The following DOCK8 variants were observed in gnomAD, a reference collection of about 807,000 sequenced individuals.
DOCK8 encodes the protein dedicator of cytokinesis protein 8.
In DOCK8, 141 loss-of-function variants were observed where a neutral mutation model predicts 245.6. That is an observed-to-expected ratio of 0.57 (90% CI 0.50 to 0.66). The LOEUF is 0.66. Among genes scored for constraint, DOCK8 ranks in the 30% least tolerant of loss-of-function variants. The probability of loss-of-function intolerance (pLI) is 0.00; values close to 1 mark genes in which losing one functional copy is unlikely to be tolerated. For synonymous variants in DOCK8, 1,168 were observed against 970.2 expected (o/e 1.20, Z -3.79); for missense variants, 2,965 against 2,603.4 (o/e 1.14, Z -3.02).
intron 14 of DOCK8, among the ~76,000 whole-genome samples, chr9:357,298 A>C (rs1273127911): frequency 1.3e-5 from 2 of 152,370 alleles, no homozygotes; most frequent in East Asian, 1.9e-4. Context: ...TTCAAAGATC[A>C]ATTAGTAGTA....
intron 29 of DOCK8, 31 bp from the exon 30 acceptor site, chr9:418,037 C>T (rs1291275877): frequency 6.2e-7 from 1 of 1,614,006 alleles, no homozygotes; most frequent in Non-Finnish European, 8.5e-7. Context: ...TCATGTTTGA[C>T]TTGACATCAC....
At chr9:241,134 G>A (rs1405933343) in intron 1 of DOCK8, among the ~76,000 whole-genome samples, 2 of 152,002 alleles carry the variant, frequency 1.3e-5, no homozygotes, top group Non-Finnish European at 1.5e-5. Context: ...TATTCATGGT[G>A]GTACATAGTG....
chr9:377,243 G>C, intron 20 of DOCK8, 32 bp downstream of exon 20: 1 of 1,530,032 alleles, frequency 6.5e-7, no homozygotes, highest in South Asian at 1.2e-5. Flanking sequence ...CTGGGAGGAG[G>C]CAGGAGCAAG....
intron 45 of DOCK8, among the ~76,000 whole-genome samples, chr9:450,731 A>C (rs2057401438): frequency 6.6e-6 from 1 of 152,092 alleles, no homozygotes; most frequent in South Asian, 2.1e-4. Flanking sequence ...ATCAGGAAAA[A>C]AAAATGAGGA....
At chr9:302,256 C>G (rs539602922) in intron 4 of DOCK8, among the ~76,000 whole-genome samples, 3 of 152,162 alleles carry the variant, frequency 2.0e-5, no homozygotes, top group Non-Finnish European at 4.4e-5. Context: ...GGAAAGGTCT[C>G]CCTATTCAAT....
At chr9:401,512 A>G (rs2055101077) in intron 26 of DOCK8, among the ~76,000 whole-genome samples, 1 of 152,172 alleles carries the variant, frequency 6.6e-6, no homozygotes, top group Admixed American at 6.5e-5. Context: ...TGTATCTGCA[A>G]GGCTCTATCT....
intron 1 of DOCK8, among the ~76,000 whole-genome samples, chr9:246,656 A>C (rs752514150): frequency 6.6e-6 from 1 of 152,188 alleles, no homozygotes; most frequent in African/African-American, 2.4e-5. Flanking sequence ...ACATGTTTGA[A>C]AAATTTTTAA....
chr9:408,191 G>A (rs2055529804), intron 28 of DOCK8, among the ~76,000 whole-genome samples: 1 of 152,204 alleles, frequency 6.6e-6, no homozygotes, highest in Non-Finnish European at 1.5e-5. Context: ...CTCTCAAAGT[G>A]CTTACAATTT....
intron 1 of DOCK8, among the ~76,000 whole-genome samples, chr9:230,143 G>C (rs1357734606): frequency 6.8e-6 from 1 of 147,246 alleles, no homozygotes; most frequent in African/African-American, 2.5e-5. Flanking sequence ...CTATGAGTGA[G>C]AACATGCGGT....
intron 1 of DOCK8, among the ~76,000 whole-genome samples, chr9:270,874 T>G (rs1250434713): frequency 6.6e-6 from 1 of 152,168 alleles, no homozygotes; most frequent in East Asian, 1.9e-4. Flanking sequence ...AATGATGTAA[T>G]GAGAAAACGT....
intron 26 of DOCK8, among the ~76,000 whole-genome samples, chr9:404,417 G>T (rs2055317635): frequency 1.3e-5 from 2 of 152,076 alleles, no homozygotes; most frequent in South Asian, 4.1e-4. Context: ...TAAACAGTTT[G>T]ATGCCTTTCT....
chr9:373,073 A>G (rs185546240), intron 18 of DOCK8, among the ~76,000 whole-genome samples: 177 of 152,316 alleles, frequency 1.2e-3, no homozygotes, highest in African/African-American at 3.9e-3. Flanking sequence ...AGGCTGAGGC[A>G]GGAGAATCGC....
intron 1 of DOCK8, chr9:215,378 G>T (rs1563812706): frequency 6.3e-7 from 1 of 1,587,242 alleles, no homozygotes; most frequent in East Asian, 2.4e-5. Context: ...CGTGTTGGGC[G>T]CGCCACGGAG....
chr9:330,113 A>G (rs546078937), intron 9 of DOCK8, among the ~76,000 whole-genome samples: 1 of 152,182 alleles, frequency 6.6e-6, no homozygotes, highest in African/African-American at 2.4e-5. Flanking sequence ...ACTGTATTTT[A>G]GGTAGCATCA....
chr9:290,040 T>C (rs889053390), intron 4 of DOCK8, among the ~76,000 whole-genome samples: 1 of 152,192 alleles, frequency 6.6e-6, no homozygotes, highest in African/African-American at 2.4e-5. Flanking sequence ...TTCTTCAATG[T>C]CTTTTTGTGG....
chr9:419,499 T>C (rs2056184058), intron 30 of DOCK8, among the ~76,000 whole-genome samples: 1 of 152,204 alleles, frequency 6.6e-6, no homozygotes, highest in African/African-American at 2.4e-5. Context: ...TAGAACATAG[T>C]CCTTGTGAGG....
At chr9:421,685 AG>A (rs891876065) in intron 32 of DOCK8, among the ~76,000 whole-genome samples, 1 of 152,226 alleles carries the variant, frequency 6.6e-6, no homozygotes, top group African/African-American at 2.4e-5. Context: ...ACACAGTGGC[AG>A]GGAACTTGGA....
At chr9:415,024 T>G in intron 29 of DOCK8, 73 bp downstream of exon 29, 111 of 1,533,712 alleles carry the variant, frequency 7.2e-5, no homozygotes, top group Non-Finnish European at 8.7e-5. Flanking sequence ...ATGAGATCTC[T>G]GTCATTCGTT....
At chr9:298,112 A>G (rs1237220985) in intron 4 of DOCK8, among the ~76,000 whole-genome samples, 1 of 152,226 alleles carries the variant, frequency 6.6e-6, no homozygotes, top group Non-Finnish European at 1.5e-5. Context: ...TCAAAAGTTA[A>G]GCATCTTTTG....
Sources: gnomAD v4.1 joint callset for allele counts (sites outside exome capture counted in the v4.1 genomes callset) on GRCh38, gnomAD v4.1.1 for gene constraint, MANE v1.5 for transcripts, NCBI Gene and HGNC (gene_info 2026-07-23, HGNC 2026-07-21) for gene names.